ESRP2: variants seen among roughly 807,000 people sequenced by gnomAD.
The protein encoded by ESRP2 is epithelial splicing regulatory protein 2.
Under a neutral mutation model 78.6 loss-of-function variants are expected in ESRP2, and 48 were observed. The ratio of observed to expected loss-of-function variants is 0.61; its 90% CI spans 0.48 to 0.78. The LOEUF is 0.78. Among genes scored for constraint, ESRP2 ranks in the 30% least tolerant of loss-of-function variants. The pLI, the probability that ESRP2 is intolerant of heterozygous loss-of-function variation, is 0.00. For synonymous variants in ESRP2, 383 were observed against 406.7 expected (o/e 0.94, Z 0.70); for missense variants, 863 against 965.9 (o/e 0.89, Z 1.41).
intron 4 of ESRP2, 75 bp from the exon 5 acceptor site, chr16:68,233,500 C>CT (rs748694480): frequency 1.3e-5 from 14 of 1,114,318 alleles, no homozygotes; most frequent in Non-Finnish European, 1.9e-5. Flanking sequence ...CCCAACTCCC[C>CT]TCCATAGACA....
intron 2 of ESRP2, chr16:68,234,975 T>A (rs1440686778): frequency 8.5e-6 from 2 of 235,778 alleles, no homozygotes; most frequent in African/African-American, 4.7e-5. Context: ...CACTCAAGAG[T>A]CAGACATAGA....
intron 4 of ESRP2, 150 bp downstream of exon 4, chr16:68,233,618 T>C: frequency 1.3e-6 from 1 of 741,672 alleles, no homozygotes; most frequent in Non-Finnish European, 2.3e-6. Context: ...AAACTCATCC[T>C]AGCACAGACA....
In ESRP2 at chr16:68,235,621, C is replaced by A; in HGVS notation, c.327+13G>T. The A allele has an allele frequency of 6.3e-7, 1 of 1,596,780 alleles. No individual in the cohort carries two copies. The highest frequency in any genetic ancestry group is 8.5e-7 in the Non-Finnish European group (1 of 1,179,064). On this transcript the variant is annotated intron_variant, in intron 2 of 14. Coordinates refer to ENST00000473183, the MANE Select transcript of ESRP2 (RefSeq NM_024939.3). The surrounding 1 kb of genome is among the most constrained non-coding windows in gnomAD (Gnocchi z 5.5). Reference sequence around the variant, plus strand: ...CACGTCCAGGCCATGCCGCCACCCACCCCGGCGCTCACCTGCTGCAGCACC... The same window carrying A: ...CACGTCCAGGCCATGCCGCCACCCAACCCGGCGCTCACCTGCTGCAGCACC...
At position 68,236,103 on chromosome 16, in the gene ESRP2, C is replaced by T; in HGVS notation, c.-58G>A. ...CGCGGACCGACGAGGCGCACGCACGCACCGACCGACCGCAGACGCGGATCA... is the reference window on the plus strand; with the variant it reads ...CGCGGACCGACGAGGCGCACGCACGTACCGACCGACCGCAGACGCGGATCA... On this transcript the variant is annotated 5_prime_UTR_variant, in exon 1 of 15. Transcript: ENST00000473183. This position sits in a 1 kb window ranked among gnomAD's most constrained non-coding sequence, Gnocchi z 5.2. 7.4e-7 allele frequency: 1 copy of T among 1,357,698 alleles called. No individual in the cohort carries two copies. Among genetic ancestry groups the T allele is most frequent in the Non-Finnish European group, 9.4e-7 (1 of 1,063,574 alleles). 84.1% of individuals were successfully genotyped at this position (1,357,698 alleles called of 1,614,324 possible).
chr16:68,233,644 C>T (rs1219025197), intron 4 of ESRP2, 124 bp downstream of exon 4: 1 of 790,012 alleles, frequency 1.3e-6, no homozygotes, highest in Non-Finnish European at 2.2e-6. Flanking sequence ...ACACAGTACA[C>T]TCAGGGACTT....
At position 68,231,132 on chromosome 16, in the gene ESRP2, C is replaced by T; in HGVS notation, c.1711+46G>A. 6.2e-7 allele frequency: 1 copy of T among 1,610,610 alleles called. No homozygotes were observed. Among genetic ancestry groups the T allele is most frequent in the Non-Finnish European group, 8.5e-7 (1 of 1,177,978 alleles). ...ATAGAAGGTAGGGGCTTACAACAGC[C>T]TGGCTACCACAGGCCTCCTCCTCCC... On this transcript the variant is annotated intron_variant, in intron 12 of 14. Transcript: ENST00000473183. The surrounding 1 kb of genome is among the most constrained non-coding windows in gnomAD (Gnocchi z 6.0).
At position 68,233,317 on chromosome 16, in the gene ESRP2, GA is replaced by G; in HGVS notation, c.655+9del. On this transcript the variant is annotated intron_variant, in intron 5 of 14. Coordinates refer to ENST00000473183, the MANE Select transcript of ESRP2 (RefSeq NM_024939.3). ...TGAGAACAGGTGACAGGCAGTGAGG[GA>G]AACCTTACTGCTGGGCTCTTTGAGT... is the stretch of plus-strand genomic sequence containing the variant. 2 of 1,599,440 alleles carry G rather than the reference GA, an allele frequency of 1.3e-6. No individual in the cohort carries two copies. The highest frequency in any genetic ancestry group is 1.7e-6 in the Non-Finnish European group (2 of 1,166,546).
At position 68,229,345 on chromosome 16, in the gene ESRP2, A is replaced by T. The variant is rs59514965; in HGVS notation, c.*881T>A. 2.6e-5 allele frequency: 4 copies of T among 152,592 alleles called. No homozygotes were observed. The highest frequency in any genetic ancestry group is 9.6e-5 in the African/African-American group (4 of 41,452). The allele number at this position is 152,592 out of a possible 1,614,324, so 9.5% of individuals were successfully genotyped here. A position where few individuals can be genotyped will look rare whatever the true frequency, so the allele number is the denominator to read the frequency against. ...CAAAGTTAAGGGTCCTGTGTCTTTT[A>T]AAAAGTCCATTTGGTCAATAACTTT... is the stretch of plus-strand genomic sequence containing the variant. On this transcript the variant is annotated 3_prime_UTR_variant, in exon 15 of 15. Coordinates refer to ENST00000473183, the MANE Select transcript of ESRP2 (RefSeq NM_024939.3).
rs374441733 is a variant in ESRP2 at position 68,230,187 on chromosome 16, C to T, written c.*39G>A. The T allele has an allele frequency of 5.7e-5, 91 of 1,586,868 alleles. No individual in the cohort carries two copies. The highest frequency in any genetic ancestry group is 1.8e-4 in the South Asian group (16 of 90,498). On this transcript the variant is annotated 3_prime_UTR_variant, in exon 15 of 15. Transcript: ENST00000473183. Reference sequence around the variant, plus strand: ...CTGGACTCAGGAGAGACATGTTCGCCGAGGATATCAGCTGGCTCTTACCTC... The same window carrying T: ...CTGGACTCAGGAGAGACATGTTCGCTGAGGATATCAGCTGGCTCTTACCTC...
At position 68,230,454 on chromosome 16, in the gene ESRP2, G is replaced by A. The variant is rs575114143; in HGVS notation, c.1999C>T (p.Arg667Cys). 3.7e-5 allele frequency: 59 copies of A among 1,612,900 alleles called. 1 individual carries two copies. The South Asian group carries it at 5.2e-4, about 14-fold the overall frequency. Reference sequence around the variant, plus strand: ...GCCGTGTATGGGACACCCTGCATGCGGACCAAGGCTCCTGACTGGGACAAC... The same window carrying A: ...GCCGTGTATGGGACACCCTGCATGCAGACCAAGGCTCCTGACTGGGACAAC... ...SVLSQSGALV[R>C]MQGVPYTAGM... is the part of the protein sequence containing the mutation. The change falls in exon 14 of 15, where the codon CGC (arginine) becomes TGC (cysteine). Residue 667 changes from arginine to cysteine, a missense_variant. Coordinates refer to ENST00000473183, the MANE Select transcript of ESRP2 (RefSeq NM_024939.3).
At chr16:68,230,734 C>T in intron 13 of ESRP2, 107 bp downstream of exon 13, 1 of 1,505,816 alleles carries the variant, frequency 6.6e-7, no homozygotes, top group Non-Finnish European at 9.1e-7. Context: ...CACCTTACTC[C>T]CTTGTCATCT....
chr16:68,233,164 A>T (rs1311287728), intron 5 of ESRP2, 163 bp downstream of exon 5: 5 of 617,576 alleles, frequency 8.1e-6, no homozygotes, highest in Non-Finnish European at 1.4e-5. Flanking sequence ...GTGCCACTGC[A>T]CTCTAGCCTA....
intron 4 of ESRP2, 58 bp from the exon 5 acceptor site, chr16:68,233,483 T>G (rs762314087): frequency 3.0e-6 from 4 of 1,342,254 alleles, no homozygotes; most frequent in Non-Finnish European, 4.3e-6. Flanking sequence ...TCCTGTTTAC[T>G]CCTGGGCCCA....
rs1471417188 is a variant in ESRP2, at chr16:68,230,238, C to T, written c.2142G>A (p.Trp714Ter). The T allele has an allele frequency of 1.2e-6, 2 of 1,614,036 alleles. No individual in the cohort carries two copies. The highest frequency in any genetic ancestry group is 2.7e-5 in the African/African-American group (2 of 74,916). ...CTGGCTTTCTCTCCTACAAACACAC[C>T]CATTCCTTGGGGGCTTGTAACACAG... ...PRTVLQAPKEWVCL is the reference protein window; with the variant it reads ...PRTVLQAPKE The change falls in exon 15 of 15, where the codon TGG becomes TGA. Residue 714 changes from tryptophan to a stop codon, truncating the protein, a stop_gained. Coordinates refer to ENST00000473183, the MANE Select transcript of ESRP2 (RefSeq NM_024939.3). LOFTEE classifies it high-confidence loss of function.
In ESRP2 at chr16:68,229,990, G is replaced by A. The variant is rs1281205150; in HGVS notation, c.*236C>T. ...CAAGATGCCTGGCTCAGGCCATCAG[G>A]AGCTGGTTAGCCCCATTCCACCCCC... On this transcript the variant is annotated 3_prime_UTR_variant, in exon 15 of 15. Coordinates refer to ENST00000473183, the MANE Select transcript of ESRP2 (RefSeq NM_024939.3). 3.6e-6 allele frequency: 2 copies of A among 561,760 alleles called. No homozygotes were observed. Among genetic ancestry groups the A allele is most frequent in the Non-Finnish European group, 6.4e-6 (2 of 313,722 alleles). The allele number at this position is 561,760 out of a possible 1,614,324, so 34.8% of individuals were successfully genotyped here. A position where few individuals can be genotyped will look rare whatever the true frequency, so the allele number is the denominator to read the frequency against.
rs1039195563 is a variant in ESRP2, at chr16:68,235,528, G to T, written c.327+106C>A. 1.3e-6 allele frequency: 2 copies of T among 1,505,550 alleles called. No individual in the cohort carries two copies. The highest frequency in any genetic ancestry group is 1.4e-5 in the African/African-American group (1 of 72,012). The allele number at this position is 1,505,550 out of a possible 1,614,324, so 93.3% of individuals were successfully genotyped here. The stretch of plus-strand genomic sequence containing the variant: ...TTTCAAACAAGAGCCCAGTCCTGCC[G>T]CCTGGACCGGTTGGTTGCGGCACGC... On this transcript the variant is annotated intron_variant, in intron 2 of 14. Coordinates refer to ENST00000473183, the MANE Select transcript of ESRP2 (RefSeq NM_024939.3). This position sits in a 1 kb window ranked among gnomAD's most constrained non-coding sequence, Gnocchi z 5.5.
In ESRP2 at chr16:68,230,523, G is replaced by GGTAGCCC. The variant is rs780536701; in HGVS notation, c.1923_1929dup (p.Leu644GlyfsTer51). On this transcript the variant is annotated frameshift_variant, in exon 14 of 15. Transcript: ENST00000473183. LOFTEE classifies it high-confidence loss of function. ...GCCAGGGCAGCAGTGGGTGTAGTGA[G>GGTAGCCC]GTAGCCCACAGTGGTGGGGGAGACT... is the stretch of plus-strand genomic sequence containing the variant. The GGTAGCCC allele has an allele frequency of 3.1e-5, 50 of 1,593,696 alleles. No individual in the cohort carries two copies.
In ESRP2 at chr16:68,235,516, C is replaced by A; in HGVS notation, c.327+118G>T. 4.1e-6 allele frequency: 6 copies of A among 1,476,816 alleles called. No homozygotes were observed. Among genetic ancestry groups the A allele is most frequent in the Non-Finnish European group, 5.3e-6 (6 of 1,121,738 alleles). 91.5% of individuals were successfully genotyped at this position (1,476,816 alleles called of 1,614,324 possible). ...AGTCGCTCAAAGTTTCAAACAAGAG[C>A]CCAGTCCTGCCGCCTGGACCGGTTG... On this transcript the variant is annotated intron_variant, in intron 2 of 14. Coordinates refer to ENST00000473183, the MANE Select transcript of ESRP2 (RefSeq NM_024939.3). This position sits in a 1 kb window ranked among gnomAD's most constrained non-coding sequence, Gnocchi z 5.5.
In ESRP2 at chr16:68,231,392, T is replaced by G; in HGVS notation, c.1513-16A>C. 1 of 1,613,988 alleles carries G rather than the reference T, an allele frequency of 6.2e-7. No individual in the cohort carries two copies. Among genetic ancestry groups the G allele is most frequent in the Non-Finnish European group, 8.5e-7 (1 of 1,179,934 alleles). On this transcript the variant is annotated splice_polypyrimidine_tract_variant and intron_variant, in intron 11 of 14. Coordinates refer to ENST00000473183, the MANE Select transcript of ESRP2 (RefSeq NM_024939.3). The surrounding 1 kb of genome is among the most constrained non-coding windows in gnomAD (Gnocchi z 6.0). Reference sequence around the variant, plus strand: ...ATGGCCGGCCCTGTGCACACCATCTTGTGAGCAGTTTGTCATGTGTAAGAG... The same window carrying G: ...ATGGCCGGCCCTGTGCACACCATCTGGTGAGCAGTTTGTCATGTGTAAGAG...
Sources: gnomAD v4.1 joint callset for allele counts on GRCh38, gnomAD v4.1.1 for gene constraint, Gnocchi (gnomAD v3.1) non-coding constraint, MANE v1.5 for transcripts, NCBI Gene and HGNC (gene_info 2026-07-23, HGNC 2026-07-21) for gene names.